ITGAD: variants seen among roughly 807,000 people sequenced by gnomAD.
ITGAD encodes integrin subunit alpha D.
ITGAD carries 105 observed loss-of-function variants against 139.0 expected under a neutral mutation model. The ratio of observed to expected loss-of-function variants is 0.76; its 90% CI spans 0.65 to 0.89. The LOEUF is 0.89. Among genes scored for constraint, ITGAD ranks in the 40% least tolerant of loss-of-function variants. The probability of loss-of-function intolerance (pLI) is 0.00; values close to 1 mark genes in which losing one functional copy is unlikely to be tolerated. For synonymous variants in ITGAD, 569 were observed against 598.3 expected (o/e 0.95, Z 0.71); for missense variants, 1,384 against 1,487.3 (o/e 0.93, Z 1.14).
At chr16:31,395,145 C>A (rs1156909021) in intron 2 of ITGAD, among the ~76,000 whole-genome samples, 1 of 152,088 alleles carries the variant, frequency 6.6e-6, no homozygotes, top group Non-Finnish European at 1.5e-5. Flanking sequence ...AGCAAAACCC[C>A]ATCTCTACTA....
intron 7 of ITGAD, among the ~76,000 whole-genome samples, chr16:31,405,133 G>A (rs778575962): frequency 1.3e-5 from 2 of 151,912 alleles, no homozygotes; most frequent in Admixed American, 1.3e-4. Flanking sequence ...CTACAGGCCC[G>A]CACCACCACA....
intron 23 of ITGAD, among the ~76,000 whole-genome samples, chr16:31,422,789 G>C (rs2082032454): frequency 6.6e-6 from 1 of 152,098 alleles, no homozygotes; most frequent in Admixed American, 6.6e-5. Flanking sequence ...CTGGGTGATG[G>C]GGGCAAGGGA....
chr16:31,408,713 A>G, intron 10 of ITGAD: 1 of 535,398 alleles, frequency 1.9e-6, no homozygotes. Flanking sequence ...TGGAGGAGAC[A>G]GTAAGCAAGA....
chr16:31,398,995 A>T (rs2081339900), intron 5 of ITGAD, among the ~76,000 whole-genome samples: 1 of 152,112 alleles, frequency 6.6e-6, no homozygotes, highest in African/African-American at 2.4e-5. Context: ...GGATTCCCCA[A>T]ACTAACTTTC....
In ITGAD at chr16:31,397,616, A is replaced by G. The variant is rs772104513; in HGVS notation, c.262A>G (p.Met88Val). Residue 88 changes from methionine (M) to valine (V), a missense_variant, in exon 4 of 30, where the codon ATG becomes GTG. Physicochemically the swap from Met to Val is conservative, Grantham distance 21 (BLOSUM62 1). Coordinates refer to ENST00000389202, the MANE Select transcript of ITGAD (RefSeq NM_005353.3). Reference sequence around the variant, plus strand: ...TGCAGTCCGCCCTGAGGCCGTGAACATGTCCTTGGGCCTGACCCTGGCAGC... The same window carrying G: ...TGCAGTCCGCCCTGAGGCCGTGAACGTGTCCTTGGGCCTGACCCTGGCAGC... ...PLHIRPEAVNMSLGLTLAAST... is the reference protein window; with the variant it reads ...PLHIRPEAVNVSLGLTLAAST... The G allele has an allele frequency of 3.8e-6, 6 of 1,559,850 alleles. No individual in the cohort carries two copies. The highest frequency in any genetic ancestry group is 1.8e-5 in the Admixed American group (1 of 55,932).
chr16:31,399,642 G>T (rs1176031293), intron 5 of ITGAD, among the ~76,000 whole-genome samples: 5 of 152,156 alleles, frequency 3.3e-5, no homozygotes, highest in African/African-American at 1.2e-4. Flanking sequence ...TAGGGAGGTG[G>T]CACTTAAAAA....
chr16:31,397,573 AC>A (rs1450995674), intron 3 of ITGAD, 22 bp from the exon 4 acceptor site: 1 of 1,604,442 alleles, frequency 6.2e-7, no homozygotes, highest in Admixed American at 1.7e-5. Context: ...TGTGAGTGAG[AC>A]CCCGCGTGTC....
rs200576846 is a variant in ITGAD at position 31,409,296 on chromosome 16, AAAC to A, written c.1083+813_1083+815del. ...GGTGACAGAACGAGTCTCTGTCTCAAAACAACAACAACAACAAAAACAAAAACA... is the reference window on the plus strand; with the variant it reads ...GGTGACAGAACGAGTCTCTGTCTCAAAACAACAACAACAAAAACAAAAACA... On this transcript the variant is annotated intron_variant, in intron 10 of 29. Coordinates refer to ENST00000389202, the MANE Select transcript of ITGAD (RefSeq NM_005353.3). Among the ~76,000 whole-genome samples the A allele has an allele frequency of 1.5e-3, 220 of 151,034 alleles. 3 individuals are homozygous for A. The East Asian group carries it at 0.036, about 25-fold the overall frequency.
chr16:31,409,924 A>T (rs2081638999), intron 10 of ITGAD, among the ~76,000 whole-genome samples: 1 of 151,318 alleles, frequency 6.6e-6, no homozygotes, highest in Admixed American at 6.6e-5. Context: ...AAAAAAAAAA[A>T]AAAAAAAGAA....
chr16:31,408,713 A>C (rs2081602927), intron 10 of ITGAD: 1 of 535,398 alleles, frequency 1.9e-6, no homozygotes, highest in Non-Finnish European at 3.4e-6. Flanking sequence ...TGGAGGAGAC[A>C]GTAAGCAAGA....
intron 28 of ITGAD, 71 bp downstream of exon 28, chr16:31,424,274 G>T (rs763687195): frequency 4.3e-4 from 684 of 1,575,936 alleles, no homozygotes; most frequent in Non-Finnish European, 5.5e-4. Context: ...GGTGCTGGGT[G>T]GGGGGTTTGC....
At chr16:31,395,259 G>A (rs1428126039) in intron 2 of ITGAD, among the ~76,000 whole-genome samples, 3 of 152,146 alleles carry the variant, frequency 2.0e-5, no homozygotes, top group Non-Finnish European at 4.4e-5. Flanking sequence ...GGTGGAGGTT[G>A]CAGTGAGCCG....
rs1014460247 is a variant in ITGAD at position 31,424,675 on chromosome 16, G to A, written c.3372+98G>A. ...TGCAATGGCATGATCTTGGCTCACT[G>A]CAACCTCCACCTCCCGGGTTCAAGT... On this transcript the variant is annotated intron_variant, in intron 29 of 29. Transcript: ENST00000389202. 8.4e-6 allele frequency: 6 copies of A among 714,832 alleles called. No homozygotes were observed. The South Asian group carries it at 1.2e-4, about 14-fold the overall frequency. The allele number at this position is 714,832 out of a possible 1,614,324, so 44.3% of individuals were successfully genotyped here.
intron 2 of ITGAD, 111 bp downstream of exon 2, chr16:31,394,452 A>G (rs1597097973): frequency 1.4e-6 from 1 of 690,204 alleles, no homozygotes; most frequent in Non-Finnish European, 2.5e-6. Context: ...CAGGGGTGAG[A>G]AGTCTTCCCT....
At chr16:31,411,753 C>A (rs370430197) in intron 14 of ITGAD, among the ~76,000 whole-genome samples, 2 of 152,238 alleles carry the variant, frequency 1.3e-5, no homozygotes, top group Admixed American at 1.3e-4. Flanking sequence ...CTGGCCGGGC[C>A]GGCCATCCTG....
chr16:31,411,610 C>T (rs915724310), intron 14 of ITGAD, 93 bp downstream of exon 14: 1 of 1,242,838 alleles, frequency 8.0e-7, no homozygotes, highest in Non-Finnish European at 1.2e-6. Flanking sequence ...CCATTCCCTT[C>T]CTTGTTGCAG....
chr16:31,411,570 T>A, intron 14 of ITGAD, 53 bp downstream of exon 14: 1 of 1,566,646 alleles, frequency 6.4e-7, no homozygotes, highest in Non-Finnish European at 8.8e-7. Flanking sequence ...ATGTCCTGAG[T>A]TCACTGAACG....
chr16:31,393,397 T>C lies in ITGAD; in HGVS notation c.31+6T>C, dbSNP rs374854824. 136 of 1,613,942 alleles carry C rather than the reference T, an allele frequency of 8.4e-5. No individual in the cohort carries two copies. In the African/African-American group the frequency reaches 1.2e-3, roughly 14 times the overall value. On this transcript the variant is annotated splice_donor_region_variant and intron_variant, in intron 1 of 29. Coordinates refer to ENST00000389202, the MANE Select transcript of ITGAD (RefSeq NM_005353.3). ...CACTGTGCTTCTTCTGAGTGGTAAGTGGGGCCAGGGTGCTGGGGAGAAGCT... is the reference window on the plus strand; with the variant it reads ...CACTGTGCTTCTTCTGAGTGGTAAGCGGGGCCAGGGTGCTGGGGAGAAGCT...
intron 7 of ITGAD, among the ~76,000 whole-genome samples, chr16:31,406,710 G>A (rs577786121): frequency 2.0e-4 from 31 of 152,278 alleles, no homozygotes; most frequent in African/African-American, 6.3e-4. Flanking sequence ...TGCAAAAGCC[G>A]AAGAAACCAA....
Sources: gnomAD v4.1 joint callset for allele counts (sites outside exome capture counted in the v4.1 genomes callset) on GRCh38, gnomAD v4.1.1 for gene constraint, MANE v1.5 for transcripts, NCBI Gene and HGNC (gene_info 2026-07-23, HGNC 2026-07-21) for gene names.